The following USP32 variants were observed in gnomAD, a reference collection of about 807,000 sequenced individuals.
The protein encoded by USP32 is ubiquitin specific peptidase 32.
USP32 carries 59 observed loss-of-function variants against 204.8 expected under a neutral mutation model. The ratio of observed to expected loss-of-function variants is 0.29; its 90% CI spans 0.23 to 0.36. The LOEUF is 0.36. Ranked by LOEUF, USP32 falls within the 10% of genes least tolerant of loss-of-function variation. The pLI, the probability that USP32 is intolerant of heterozygous loss-of-function variation, is 1.00. For missense variants in USP32, 1,160 were observed against 1,946.4 expected (o/e 0.60, Z 7.60); for synonymous variants, 517 against 678.4 (o/e 0.76, Z 3.70).
upstream of USP32, chr17:60,392,302 G>A (rs2089855458): frequency 2.9e-6 from 1 of 346,154 alleles, no homozygotes; most frequent in East Asian, 7.3e-5. Flanking sequence ...GGTAACGGCC[G>A]CCCAGGGCCG....
intron 1 of USP32, among the ~76,000 whole-genome samples, chr17:60,358,145 C>CT (rs1491538805): frequency 6.6e-6 from 1 of 152,112 alleles, no homozygotes; most frequent in Non-Finnish European, 1.5e-5. Context: ...GTTTCTACTA[C>CT]TTTTTTATTG....
In USP32 at chr17:60,368,991, A is replaced by ATTTTTT. The variant is rs758528054; in HGVS notation, c.58+22885_58+22890dup. Among the ~76,000 whole-genome samples the ATTTTTT allele has an allele frequency of 1.2e-3, 133 of 114,122 alleles. 12 individuals carry two copies. The highest frequency in any genetic ancestry group is 5.2e-3 in the African/African-American group (101 of 19,582). The allele number at this position is 114,122 out of a possible 152,430, so 74.9% of individuals were successfully genotyped here. Reference sequence around the variant, plus strand: ...ACATACACGAATTATTTTTTAAAAGATTTTTTTTTTTTTTTTTTTTTGAGA... The same window carrying ATTTTTT: ...ACATACACGAATTATTTTTTAAAAGATTTTTTTTTTTTTTTTTTTTTTTTTTTGAGA... On this transcript the variant is annotated intron_variant, in intron 1 of 33. Coordinates refer to ENST00000300896, the MANE Select transcript of USP32 (RefSeq NM_032582.4).
chr17:60,356,375 G>A (rs1350528532), intron 1 of USP32, among the ~76,000 whole-genome samples: 5 of 152,100 alleles, frequency 3.3e-5, no homozygotes. Flanking sequence ...CTGTGCATGT[G>A]CCCCAAAATT....
At chr17:60,264,161 G>A (rs550817827) in intron 9 of USP32, among the ~76,000 whole-genome samples, 23 of 151,846 alleles carry the variant, frequency 1.5e-4, no homozygotes, top group Non-Finnish European at 1.9e-4. Context: ...GTTTATTTTT[G>A]CTATTACATG....
At chr17:60,345,727 A>T in intron 1 of USP32, 119 bp from the exon 2 acceptor site, 1 of 1,314,136 alleles carries the variant, frequency 7.6e-7, no homozygotes, top group South Asian at 1.2e-5. Context: ...CACGCCTATA[A>T]TCCCAGTACT....
In USP32 at chr17:60,223,547, A is replaced by G; in HGVS notation, c.1472T>C (p.Phe491Ser). The change falls in exon 14 of 34, where the codon TTT becomes TCT. Residue 491 changes from phenylalanine to serine, a missense_variant. Coordinates refer to ENST00000300896, the MANE Select transcript of USP32 (RefSeq NM_032582.4). ...YSATPGADVC[F>S]ARQHNTSDNN... ...GTCAGAAGTGTTATGTTGTCGAGCA[A>G]AGCAAACATCTGCCCCTGGTGTGGC... 2 of 1,611,882 alleles carry G rather than the reference A, an allele frequency of 1.2e-6. No individual in the cohort carries two copies. Among genetic ancestry groups the G allele is most frequent in the Non-Finnish European group, 8.5e-7 (1 of 1,179,510 alleles).
At chr17:60,414,081 G>A (rs865845392) in intron 1 of USP32, among the ~76,000 whole-genome samples, 37 of 152,046 alleles carry the variant, frequency 2.4e-4, no homozygotes, top group Admixed American at 3.9e-4. Flanking sequence ...AGATGTTATC[G>A]GCTGGGCGTG....
At chr17:60,285,243 GAGTATAAAA>G (rs1248554168) in intron 5 of USP32, among the ~76,000 whole-genome samples, 1 of 152,144 alleles carries the variant, frequency 6.6e-6, no homozygotes, top group Non-Finnish European at 1.5e-5. Context: ...TTTACACAGT[GAGTATAAAA>G]AGGTTCCCTC....
rs139078853 is a variant in USP32, at chr17:60,276,845, G to A, written c.572-5364C>T. Among the ~76,000 whole-genome samples the A allele has an allele frequency of 4.0e-4, 61 of 152,042 alleles. 1 individual carries two copies. In the East Asian group the frequency reaches 0.011, roughly 28 times the overall value. On this transcript the variant is annotated intron_variant, in intron 5 of 33. Coordinates refer to ENST00000300896, the MANE Select transcript of USP32 (RefSeq NM_032582.4). ...TCACCAGTGAAAAACATCCTTTAGT[G>A]CTGACGTTTAAGTGTATGTGATCTG...
In USP32 at chr17:60,179,315, G is replaced by A; in HGVS notation, c.4755C>T (p.Asp1585=). Residue 1585 remains aspartate (D), a synonymous_variant, in exon 34 of 34, where the codon GAC becomes GAT. Coordinates refer to ENST00000300896, the MANE Select transcript of USP32 (RefSeq NM_032582.4). ...CAAAGTCTTCATCCATACTGCTTGT[G>A]TCTGCCATCTTTTTGCCATCAGTCT... ...LPKTDGKKMA[D]TSSMDEDFES... 2 of 1,613,930 alleles carry A rather than the reference G, an allele frequency of 1.2e-6. No homozygotes were observed. Among genetic ancestry groups the A allele is most frequent in the Non-Finnish European group, 1.7e-6 (2 of 1,179,862 alleles).
chr17:60,406,617 G>A (rs2089978164), intron 1 of USP32, among the ~76,000 whole-genome samples: 1 of 151,900 alleles, frequency 6.6e-6, no homozygotes, highest in South Asian at 2.1e-4. Context: ...CCAGGTTCAA[G>A]CGATTCTCCT....
chr17:60,339,375 G>T (rs1219312633), intron 2 of USP32, among the ~76,000 whole-genome samples: 1 of 151,402 alleles, frequency 6.6e-6, no homozygotes, highest in East Asian at 2.0e-4. Context: ...CTGAGGTCAG[G>T]AGTTTGAAAC....
At chr17:60,313,274 A>T (rs544690104) in intron 2 of USP32, among the ~76,000 whole-genome samples, 394 of 150,658 alleles carry the variant, frequency 2.6e-3, no homozygotes, top group Middle Eastern at 6.8e-3. Flanking sequence ...AAGTAAGATT[A>T]AAAAAATGCA....
chr17:60,406,387 C>T (rs1408076630), intron 1 of USP32, among the ~76,000 whole-genome samples: 1 of 151,918 alleles, frequency 6.6e-6, no homozygotes, highest in East Asian at 1.9e-4. Context: ...CCATGTTGCT[C>T]AAGCTGGTCT....
intron 11 of USP32, among the ~76,000 whole-genome samples, chr17:60,246,309 T>G (rs1044219050): frequency 8.5e-5 from 13 of 152,170 alleles, no homozygotes; most frequent in African/African-American, 2.9e-4. Flanking sequence ...TCACTTAACG[T>G]AATGACCTCC....
chr17:60,254,690 T>G (rs1426855334), intron 10 of USP32, among the ~76,000 whole-genome samples: 1 of 152,060 alleles, frequency 6.6e-6, no homozygotes, highest in Non-Finnish European at 1.5e-5. Flanking sequence ...CAGAGTGAGA[T>G]GCTGTCTCAA....
rs1349642959 is a variant in USP32 at position 60,211,469 on chromosome 17, G to C, written c.2225C>G (p.Thr742Arg). The C allele has an allele frequency of 6.2e-7, 1 of 1,613,800 alleles. No homozygotes were observed. The highest frequency in any genetic ancestry group is 1.7e-5 in the Admixed American group (1 of 59,974). The stretch of plus-strand genomic sequence containing the variant: ...CTGGATGCTTGAGTTCATGAAGCAT[G>C]TGTTTCCCAGATTGCTTAGACCTGT... ...GATGLSNLGN[T>R]CFMNSSIQCV... Residue 742 changes from threonine (T) to arginine (R), a missense_variant, in exon 20 of 34, where the codon ACA becomes AGA. Physicochemically the swap from Thr to Arg is moderately conservative, Grantham distance 71. Transcript: ENST00000300896.
At chr17:60,278,050 G>A (rs559650781) in intron 5 of USP32, among the ~76,000 whole-genome samples, 4 of 150,790 alleles carry the variant, frequency 2.7e-5, no homozygotes, top group African/African-American at 4.9e-5. Context: ...GGGAATATAC[G>A]CATGTGCTAC....
intron 16 of USP32, among the ~76,000 whole-genome samples, chr17:60,215,111 G>C (rs928904145): frequency 1.5e-4 from 23 of 152,050 alleles, no homozygotes; most frequent in African/African-American, 5.3e-4. Context: ...GGTACTACAG[G>C]TGCACGCCAC....
Sources: gnomAD v4.1 joint callset for allele counts (sites outside exome capture counted in the v4.1 genomes callset) on GRCh38, gnomAD v4.1.1 for gene constraint, MANE v1.5 for transcripts, NCBI Gene and HGNC (gene_info 2026-07-23, HGNC 2026-07-21) for gene names.